Variants in EPHB2 observed in about 807,000 individuals in gnomAD.
EPHB2 encodes EPH receptor B2, also known as ephrin type-B receptor 2.
In EPHB2, 18 loss-of-function variants were observed where a neutral mutation model predicts 96.4. That is an observed-to-expected ratio of 0.19 (90% CI 0.13 to 0.28). EPHB2 has a LOEUF of 0.28. Among genes scored for constraint, EPHB2 ranks in the 10% least tolerant of loss-of-function variants. EPHB2 has a pLI of 1.00. For synonymous variants in EPHB2, 506 were observed against 534.1 expected (o/e 0.95, Z 0.72); for missense variants, 989 against 1,355.4 (o/e 0.73, Z 4.25).
At chr1:22,744,706 A>G (rs1643946873) in intron 1 of EPHB2, among the ~76,000 whole-genome samples, 4 of 148,754 alleles carry the variant, frequency 2.7e-5, no homozygotes, top group Non-Finnish European at 5.9e-5. Flanking sequence ...AAAGGAAAGC[A>G]TAGGCCAGGC....
intron 3 of EPHB2, among the ~76,000 whole-genome samples, chr1:22,796,561 C>T (rs1284492132): frequency 1.3e-5 from 2 of 152,196 alleles, no homozygotes; most frequent in Non-Finnish European, 2.9e-5. Context: ...CCTCTCTGTC[C>T]CCCCCATCCC....
chr1:22,875,370 G>A lies in EPHB2; in HGVS notation c.1304-6989G>A, dbSNP rs1263844962. Among the ~76,000 whole-genome samples the A allele has an allele frequency of 1.3e-5, 2 of 152,180 alleles. No homozygotes were observed. Among genetic ancestry groups the A allele is most frequent in the African/African-American group, 4.8e-5 (2 of 41,460 alleles). On this transcript the variant is annotated intron_variant, in intron 5 of 15. Transcript: ENST00000374630. The surrounding 1 kb of genome is among the most constrained non-coding windows in gnomAD (Gnocchi z 4.2). ...CTGGAGAGGACTAGCGCAGTGACAA[G>A]CAATTGTCATGGAACTGTTAGCTAG...
intron 3 of EPHB2, among the ~76,000 whole-genome samples, chr1:22,828,266 G>A (rs1645253129): frequency 6.6e-6 from 1 of 152,238 alleles, no homozygotes; most frequent in African/African-American, 2.4e-5. Context: ...GTTCATGAGT[G>A]GGTGCATATG....
At chr1:22,826,498 C>A (rs1245574924) in intron 3 of EPHB2, among the ~76,000 whole-genome samples, 1 of 152,230 alleles carries the variant, frequency 6.6e-6, no homozygotes, top group East Asian at 1.9e-4. Flanking sequence ...TCTAAAGCAA[C>A]ACTTCTCTCC....
intron 1 of EPHB2, among the ~76,000 whole-genome samples, chr1:22,746,054 C>G (rs998022808): frequency 1.3e-5 from 2 of 152,134 alleles, no homozygotes; most frequent in Non-Finnish European, 2.9e-5. Flanking sequence ...CTGCTCTGAT[C>G]GAAATCTGGT....
intron 6 of EPHB2, among the ~76,000 whole-genome samples, chr1:22,884,691 A>G (rs1265644570): frequency 2.0e-5 from 3 of 150,988 alleles, no homozygotes; most frequent in Admixed American, 6.6e-5. Flanking sequence ...AAATGGATGA[A>G]TTCCTTCTGT....
At chr1:22,792,454 G>C (rs775573581) in intron 3 of EPHB2, among the ~76,000 whole-genome samples, 11 of 152,292 alleles carry the variant, frequency 7.2e-5, no homozygotes, top group Non-Finnish European at 1.3e-4. Flanking sequence ...CCAGCCTTTT[G>C]TGAAGGGAAT....
chr1:22,750,322 G>A (rs1644042484), intron 1 of EPHB2, among the ~76,000 whole-genome samples: 1 of 152,174 alleles, frequency 6.6e-6, no homozygotes, highest in Non-Finnish European at 1.5e-5. Flanking sequence ...CAGGAGAGAT[G>A]GGCTGGGATG....
At chr1:22,796,559 T>TC (rs981732906) in intron 3 of EPHB2, among the ~76,000 whole-genome samples, 4 of 151,774 alleles carry the variant, frequency 2.6e-5, no homozygotes, top group African/African-American at 4.8e-5. Flanking sequence ...GTCCTCTCTG[T>TC]CCCCCCCATC....
chr1:22,825,492 C>G (rs984286975), intron 3 of EPHB2, among the ~76,000 whole-genome samples: 3 of 152,218 alleles, frequency 2.0e-5, no homozygotes, highest in African/African-American at 7.2e-5. Flanking sequence ...GGTCTCAGGC[C>G]TAGCTTTGCT....
intron 1 of EPHB2, among the ~76,000 whole-genome samples, chr1:22,739,144 ATCC>A (rs1209556592): frequency 6.6e-6 from 1 of 152,084 alleles, no homozygotes; most frequent in Non-Finnish European, 1.5e-5. Flanking sequence ...GGCTTAAGCA[ATCC>A]TCCTATCTTG....
rs754806573 is a variant in EPHB2 at position 22,784,624 on chromosome 1, T to C, written c.359T>C (p.Phe120Ser). The C allele has an allele frequency of 8.7e-6, 14 of 1,613,980 alleles. No homozygotes were observed. The highest frequency in any genetic ancestry group is 3.3e-5 in the South Asian group (3 of 91,074). ...TFNLYYYEAD[F>S]DSATKTFPNW... The stretch of plus-strand genomic sequence containing the variant: ...AACCTCTATTACTATGAGGCTGACT[T>C]TGACTCGGCCACCAAGACCTTCCCC... The change falls in exon 3 of 16, where the codon TTT becomes TCT. Residue 120 changes from phenylalanine to serine, a missense_variant. Transcript: ENST00000374630. The surrounding 1 kb of genome is among the most constrained non-coding windows in gnomAD (Gnocchi z 5.1).
chr1:22,863,333 A>G (rs1638345260), intron 4 of EPHB2, 141 bp downstream of exon 4: 1 of 1,409,600 alleles, frequency 7.1e-7, no homozygotes, highest in African/African-American at 1.4e-5. Context: ...GTGCTCAAGA[A>G]AGGGGCATCC....
In EPHB2 at chr1:22,908,263, T is replaced by C. The variant is rs779079882; in HGVS notation, c.2352+95T>C. 6.7e-4 allele frequency: 984 copies of C among 1,469,700 alleles called. 3 individuals carry two copies. The highest frequency in any genetic ancestry group is 8.7e-4 in the Non-Finnish European group (929 of 1,066,428). 91.0% of individuals were successfully genotyped at this position (1,469,700 alleles called of 1,614,324 possible). The stretch of plus-strand genomic sequence containing the variant: ...GCAAGACACTTTCACTAACGCCCAA[T>C]TGGGCCAAGCACTGTCCTGGGCCCT... On this transcript the variant is annotated intron_variant, in intron 12 of 15. Transcript: ENST00000374630.
chr1:22,785,569 G>T (rs989219394), intron 3 of EPHB2, among the ~76,000 whole-genome samples: 1 of 152,178 alleles, frequency 6.6e-6, no homozygotes, highest in African/African-American at 2.4e-5. Flanking sequence ...GATCAGCTTG[G>T]GACTCCTCCC....
chr1:22,856,520 C>A (rs1645701960), intron 3 of EPHB2, among the ~76,000 whole-genome samples: 2 of 152,314 alleles, frequency 1.3e-5, no homozygotes, highest in South Asian at 2.1e-4. Context: ...CCTCGGCAGG[C>A]CTGACAAGAT....
At chr1:22,904,815 G>A (rs966861806) in intron 9 of EPHB2, among the ~76,000 whole-genome samples, 1 of 152,200 alleles carries the variant, frequency 6.6e-6, no homozygotes, top group Admixed American at 6.5e-5. Context: ...TAGATTCCTG[G>A]AATGTCTAAA....
chr1:22,816,279 TG>T (rs995366850), intron 3 of EPHB2, among the ~76,000 whole-genome samples: 1 of 152,152 alleles, frequency 6.6e-6, no homozygotes, highest in Non-Finnish European at 1.5e-5. Flanking sequence ...GCCCCAGCCC[TG>T]CTGTGTCTGT....
At chr1:22,885,911 A>G (rs1304880945) in intron 6 of EPHB2, among the ~76,000 whole-genome samples, 1 of 152,078 alleles carries the variant, frequency 6.6e-6, no homozygotes, top group Non-Finnish European at 1.5e-5. Flanking sequence ...GCCAGTGGGG[A>G]GATGGACACT....
Sources: gnomAD v4.1 joint callset for allele counts (sites outside exome capture counted in the v4.1 genomes callset) on GRCh38, gnomAD v4.1.1 for gene constraint, Gnocchi (gnomAD v3.1) non-coding constraint, MANE v1.5 for transcripts, NCBI Gene and HGNC (gene_info 2026-07-23, HGNC 2026-07-21) for gene names.